PDE11A: variants seen among roughly 807,000 people sequenced by gnomAD.
PDE11A encodes phosphodiesterase 11A.
In PDE11A, 100 loss-of-function variants were observed where a neutral mutation model predicts 100.5. That is an observed-to-expected ratio of 1.00 (90% CI 0.85 to 1.18). The LOEUF (loss-of-function observed/expected upper bound fraction) is 1.18. PDE11A is among the 50% of genes most tolerant of loss of function. The pLI is 0.00. For synonymous variants in PDE11A, 381 were observed against 420.8 expected (o/e 0.91, Z 1.16); for missense variants, 1,141 against 1,152.6 (o/e 0.99, Z 0.15).
chr2:177,917,948 T>C lies in PDE11A; in HGVS notation c.1072-12761A>G, dbSNP rs568833547. ...TTAGAGCATTAATATTTAATTAATG[T>C]AATAGTACCCTAAAATGAATATTAT... is the stretch of plus-strand genomic sequence containing the variant. On this transcript the variant is annotated intron_variant, in intron 2 of 19. Transcript: ENST00000286063. Among the ~76,000 whole-genome samples the C allele has an allele frequency of 7.8e-4, 119 of 152,338 alleles. 1 individual carries two copies. The Middle Eastern group carries it at 0.017, about 22-fold the overall frequency.
intron 5 of PDE11A, among the ~76,000 whole-genome samples, chr2:177,852,920 A>C (rs1175835745): frequency 6.6e-6 from 1 of 152,238 alleles, no homozygotes; most frequent in African/African-American, 2.4e-5. Context: ...CTGTATTAAC[A>C]GAAATTAACA....
At chr2:177,950,224 A>ATTTTT (rs34823486) in intron 2 of PDE11A, among the ~76,000 whole-genome samples, 4 of 148,212 alleles carry the variant, frequency 2.7e-5, no homozygotes, top group South Asian at 4.2e-4. Flanking sequence ...TCTCCTTCCC[A>ATTTTT]TTTTTTTTTT....
chr2:177,775,972 GTTGATAC>G (rs2082372035), intron 9 of PDE11A, among the ~76,000 whole-genome samples: 1 of 152,222 alleles, frequency 6.6e-6, no homozygotes, highest in Admixed American at 6.5e-5. Flanking sequence ...TGGGAGTATG[GTTGATAC>G]TTAGTTGGCA....
At position 177,784,670 on chromosome 2, in the gene PDE11A, G is replaced by C. The variant is rs114994960; in HGVS notation, c.1738-15297C>G. The stretch of plus-strand genomic sequence containing the variant: ...CTCTATCACTTTATACTTTATTGCT[G>C]GCTCTTGAATTCTTTCCTGCACAAG... On this transcript the variant is annotated intron_variant, in intron 9 of 19. Transcript: ENST00000286063. Among the ~76,000 whole-genome samples, 945 of 152,164 alleles carry C rather than the reference G, an allele frequency of 6.2e-3. 4 individuals are homozygous for C. Among genetic ancestry groups the C allele is most frequent in the African/African-American group, 0.022 (900 of 41,510 alleles).
intron 9 of PDE11A, among the ~76,000 whole-genome samples, chr2:177,806,196 A>T (rs2105561456): frequency 6.8e-6 from 1 of 146,696 alleles, no homozygotes; most frequent in South Asian, 2.2e-4. Context: ...GAGCCAGAAA[A>T]CTGAAATCTT....
intron 19 of PDE11A, among the ~76,000 whole-genome samples, chr2:177,656,033 C>T (rs569876140): frequency 6.6e-5 from 10 of 152,200 alleles, no homozygotes; most frequent in Admixed American, 2.6e-4. Flanking sequence ...TATTAACTGG[C>T]CCTTTACAGT....
At chr2:177,914,625 C>G (rs997484213) in intron 2 of PDE11A, among the ~76,000 whole-genome samples, 1 of 152,124 alleles carries the variant, frequency 6.6e-6, no homozygotes, top group Admixed American at 6.5e-5. Context: ...TTACCCAGCA[C>G]AGGTATAAAT....
chr2:177,940,955 G>A (rs1479579721), intron 2 of PDE11A, among the ~76,000 whole-genome samples: 1 of 151,066 alleles, frequency 6.6e-6, no homozygotes, highest in Admixed American at 6.6e-5. Context: ...AGACCAATCT[G>A]GACTCAATAT....
rs747428906 is a variant in PDE11A at position 178,104,394 on chromosome 2, TTTTCACC to T, written c.63_69del (p.Val22SerfsTer42). The T allele has an allele frequency of 6.2e-7, 1 of 1,614,120 alleles. No individual in the cohort carries two copies. Among genetic ancestry groups the T allele is most frequent in the South Asian group, 1.1e-5 (1 of 91,086 alleles). ...CCAGAGATTTGGACCAGTCTTGTGA[TTTTCACC>T]TTTTTCCACTGTGTGGCACTGAGCA... On this transcript the variant is annotated frameshift_variant, in exon 2 of 21. Coordinates refer to the PDE11A transcript ENST00000358450. LOFTEE classifies it high-confidence loss of function.
intron 1 of PDE11A, among the ~76,000 whole-genome samples, chr2:178,049,685 G>A (rs1263995908): frequency 1.3e-5 from 2 of 152,128 alleles, no homozygotes; most frequent in Non-Finnish European, 2.9e-5. Flanking sequence ...CTTAGCAAAC[G>A]GCACACCAGG....
At chr2:177,931,876 G>T (rs1458325082) in intron 2 of PDE11A, among the ~76,000 whole-genome samples, 2 of 81,768 alleles carry the variant, frequency 2.4e-5, no homozygotes, top group Admixed American at 2.6e-4. Flanking sequence ...TTTTTGAAAG[G>T]ATAAACAAGA....
At chr2:177,936,815 G>T (rs529254285) in intron 2 of PDE11A, among the ~76,000 whole-genome samples, 22 of 152,128 alleles carry the variant, frequency 1.4e-4, no homozygotes, top group Admixed American at 2.6e-4. Flanking sequence ...CAGCTACTCA[G>T]GAGGCTGAGG....
At chr2:177,679,805 G>A (rs144460897) in intron 16 of PDE11A, among the ~76,000 whole-genome samples, 2 of 152,106 alleles carry the variant, frequency 1.3e-5, no homozygotes, top group Non-Finnish European at 2.9e-5. Context: ...AGCTGAAGGA[G>A]CATGATTGAT....
At position 177,715,771 on chromosome 2, in the gene PDE11A, G is replaced by A. The variant is rs114818281; in HGVS notation, c.2044-3893C>T. 8.3e-3 allele frequency among the ~76,000 whole-genome samples: 1,257 copies of A among 152,056 alleles called. 12 individuals carry two copies. Among genetic ancestry groups the A allele is most frequent in the East Asian group, 0.044 (225 of 5,168 alleles). On this transcript the variant is annotated intron_variant, in intron 12 of 19. Transcript: ENST00000286063. ...CTTCTGAAAATTTCTTCTGTTCCCC[G>A]TATTGCCTTTTTTCTCTGAACTCCT... is the stretch of plus-strand genomic sequence containing the variant.
intron 1 of PDE11A, among the ~76,000 whole-genome samples, chr2:178,020,949 G>A (rs909429424): frequency 6.7e-6 from 1 of 150,132 alleles, no homozygotes; most frequent in African/African-American, 2.4e-5. Context: ...GTGTGTGTGT[G>A]TGTGTGTGTG....
chr2:177,647,700 C>T (rs952526617), intron 19 of PDE11A, among the ~76,000 whole-genome samples: 3 of 152,100 alleles, frequency 2.0e-5, no homozygotes, highest in African/African-American at 7.2e-5. Context: ...AGGACCAGAC[C>T]CAAAGCATCG....
At chr2:177,719,163 G>A (rs1187358520) in intron 12 of PDE11A, among the ~76,000 whole-genome samples, 1 of 152,132 alleles carries the variant, frequency 6.6e-6, no homozygotes, top group East Asian at 1.9e-4. Context: ...GTGCAGTCCT[G>A]GCTCAGCAAT....
intron 18 of PDE11A, among the ~76,000 whole-genome samples, chr2:177,666,839 T>C (rs2080595011): frequency 6.6e-6 from 1 of 151,992 alleles, no homozygotes; most frequent in African/African-American, 2.4e-5. Context: ...TCCCATAATA[T>C]GGGAAAATTT....
At chr2:177,717,220 T>G (rs1397467049) in intron 12 of PDE11A, among the ~76,000 whole-genome samples, 1 of 152,178 alleles carries the variant, frequency 6.6e-6, no homozygotes, top group African/African-American at 2.4e-5. Flanking sequence ...TTGACTGTGA[T>G]TTAAAGCTGC....
Sources: gnomAD v4.1 joint callset for allele counts (sites outside exome capture counted in the v4.1 genomes callset) on GRCh38, gnomAD v4.1.1 for gene constraint, MANE v1.5 for transcripts, NCBI Gene and HGNC (gene_info 2026-07-23, HGNC 2026-07-21) for gene names.